The following ENOX1 variants were observed in gnomAD, a reference collection of about 807,000 sequenced individuals.
ENOX1 encodes the protein ecto-NOX disulfide-thiol exchanger 1, also known as candidate growth-related and time keeping constitutive hydroquinone (NADH) oxidase.
Under a neutral mutation model 82.5 loss-of-function variants are expected in ENOX1, and 42 were observed. The ratio of observed to expected loss-of-function variants is 0.51; its 90% CI spans 0.40 to 0.66. The LOEUF is 0.66. Among genes scored for constraint, ENOX1 ranks in the 30% least tolerant of loss-of-function variants. The pLI is 0.00. For synonymous variants in ENOX1, 271 were observed against 282.2 expected (o/e 0.96, Z 0.40); for missense variants, 608 against 811.6 (o/e 0.75, Z 3.05).
At chr13:43,351,751 T>A (rs2049820887) in intron 8 of ENOX1, among the ~76,000 whole-genome samples, 1 of 151,436 alleles carries the variant, frequency 6.6e-6, no homozygotes, top group African/African-American at 2.4e-5. Flanking sequence ...ACAAAGGACA[T>A]GAACTCATCA....
At chr13:43,729,986 C>T (rs894327174) in intron 1 of ENOX1, among the ~76,000 whole-genome samples, 1 of 152,220 alleles carries the variant, frequency 6.6e-6, no homozygotes, top group Non-Finnish European at 1.5e-5. Context: ...CCATTCATTT[C>T]TGGGAGAGAT....
chr13:43,598,970 T>G (rs4941464), intron 2 of ENOX1, among the ~76,000 whole-genome samples: 147,764 of 152,228 alleles, frequency 0.97, 71,873 homozygotes, highest in East Asian at 1. Flanking sequence ...GTGTTAACAG[T>G]GCCTTAATTC....
At chr13:43,440,818 T>C (rs1471036002) in intron 3 of ENOX1, among the ~76,000 whole-genome samples, 1 of 152,166 alleles carries the variant, frequency 6.6e-6, no homozygotes, top group Non-Finnish European at 1.5e-5. Context: ...GATACAAGAA[T>C]ACTATGTTTT....
intron 2 of ENOX1, among the ~76,000 whole-genome samples, chr13:43,657,598 A>G (rs1025098442): frequency 2.0e-5 from 3 of 152,212 alleles, no homozygotes; most frequent in African/African-American, 7.2e-5. Flanking sequence ...GAAGCAGTCC[A>G]TGTAGCTGCT....
At chr13:43,341,945 G>A (rs1391628943) in intron 9 of ENOX1, among the ~76,000 whole-genome samples, 2 of 152,166 alleles carry the variant, frequency 1.3e-5, no homozygotes, top group Admixed American at 6.5e-5. Flanking sequence ...CTATAATGAC[G>A]CAACTCCTTC....
At chr13:43,445,328 T>C (rs532816900) in intron 3 of ENOX1, among the ~76,000 whole-genome samples, 2 of 152,224 alleles carry the variant, frequency 1.3e-5, no homozygotes, top group South Asian at 4.1e-4. Context: ...TTTCACCGTG[T>C]TAGCCAGGAT....
chr13:43,413,559 A>G (rs976770347), intron 3 of ENOX1, among the ~76,000 whole-genome samples: 4 of 151,912 alleles, frequency 2.6e-5, no homozygotes, highest in Non-Finnish European at 4.4e-5. Flanking sequence ...CATGCTGTCC[A>G]TAAAGGAAGA....
intron 5 of ENOX1, among the ~76,000 whole-genome samples, chr13:43,377,533 CT>C (rs993284543): frequency 6.6e-6 from 1 of 152,072 alleles, no homozygotes; most frequent in Non-Finnish European, 1.5e-5. Context: ...AGATATGATC[CT>C]TTTTTTTCTT....
intron 2 of ENOX1, among the ~76,000 whole-genome samples, chr13:43,599,287 C>T (rs192849003): frequency 1.8e-3 from 274 of 152,116 alleles, no homozygotes; most frequent in Non-Finnish European, 2.1e-3. Flanking sequence ...ATATTGAATT[C>T]CTGATGCCAC....
chr13:43,742,331 A>C (rs1253534683), intron 1 of ENOX1, among the ~76,000 whole-genome samples: 4 of 152,090 alleles, frequency 2.6e-5, no homozygotes, highest in Non-Finnish European at 5.9e-5. Context: ...GTCCTGGTCC[A>C]AGTCCAAAGG....
chr13:43,583,498 T>TA (rs2080841274), intron 2 of ENOX1, among the ~76,000 whole-genome samples: 1 of 152,216 alleles, frequency 6.6e-6, no homozygotes, highest in Non-Finnish European at 1.5e-5. Context: ...TTCTTGTACT[T>TA]ATGCTATTTC....
intron 15 of ENOX1, among the ~76,000 whole-genome samples, chr13:43,227,715 G>T (rs2042089447): frequency 6.6e-6 from 1 of 152,090 alleles, no homozygotes; most frequent in Non-Finnish European, 1.5e-5. Context: ...TGTTCTTTTA[G>T]GAGGGTATTC....
At chr13:43,665,766 A>G (rs1364105917) in intron 2 of ENOX1, among the ~76,000 whole-genome samples, 1 of 151,646 alleles carries the variant, frequency 6.6e-6, no homozygotes, top group Non-Finnish European at 1.5e-5. Flanking sequence ...TTTAGCCTGG[A>G]CTAAACTGAA....
chr13:43,274,349 G>C (rs1268054497), intron 12 of ENOX1, among the ~76,000 whole-genome samples: 1 of 152,140 alleles, frequency 6.6e-6, no homozygotes, highest in Non-Finnish European at 1.5e-5. Flanking sequence ...AAGTTAATGT[G>C]CTCTTTTGTT....
intron 1 of ENOX1, among the ~76,000 whole-genome samples, chr13:43,754,788 T>A (rs1289572153): frequency 1.3e-5 from 2 of 151,988 alleles, no homozygotes; most frequent in Non-Finnish European, 2.9e-5. Context: ...CCGAGTCTAG[T>A]TTCAAACTCC....
intron 3 of ENOX1, among the ~76,000 whole-genome samples, chr13:43,417,946 C>G (rs2054727345): frequency 6.6e-6 from 1 of 152,184 alleles, no homozygotes; most frequent in Admixed American, 6.5e-5. Context: ...CGGTGACTCA[C>G]ACCTGTAATC....
At chr13:43,539,694 T>C (rs1036409725) in intron 2 of ENOX1, among the ~76,000 whole-genome samples, 2 of 152,198 alleles carry the variant, frequency 1.3e-5, no homozygotes, top group African/African-American at 4.8e-5. Flanking sequence ...AAGTTTGTCA[T>C]ATTATTTAAA....
At chr13:43,385,424 G>A (rs146165536) in intron 5 of ENOX1, among the ~76,000 whole-genome samples, 77 of 151,946 alleles carry the variant, frequency 5.1e-4, no homozygotes, top group African/African-American at 1.8e-3. Context: ...AAAAAAAAAT[G>A]TTTCAACAGA....
intron 2 of ENOX1, among the ~76,000 whole-genome samples, chr13:43,620,854 C>T (rs1234844619): frequency 6.6e-6 from 1 of 151,974 alleles, no homozygotes; most frequent in Non-Finnish European, 1.5e-5. Flanking sequence ...TATTGAAGTC[C>T]CACACTATTA....
Sources: gnomAD v4.1 joint callset for allele counts (sites outside exome capture counted in the v4.1 genomes callset) on GRCh38, gnomAD v4.1.1 for gene constraint, MANE v1.5 for transcripts, NCBI Gene and HGNC (gene_info 2026-07-23, HGNC 2026-07-21) for gene names.